KCNMA1: variants seen among roughly 807,000 people sequenced by gnomAD.
The protein encoded by KCNMA1 is Calcium-activated potassium channel subunit alpha-1.
A neutral mutation model predicts 140.0 loss-of-function variants in KCNMA1; 29 were observed. That is an observed-to-expected ratio of 0.21 (90% CI 0.15 to 0.28). The LOEUF is 0.28. KCNMA1 is among the 10% of genes least tolerant of loss of function. The pLI is 1.00. For missense variants in KCNMA1, 880 were observed against 1,602.2 expected, an observed-to-expected ratio of 0.55 and a Z score of 7.70; for synonymous variants, 612 against 611.9, an observed-to-expected ratio of 1.00 and a Z score of 0.00.
intron 19 of KCNMA1, among the ~76,000 whole-genome samples, chr10:76,976,038 C>T (rs1282393441): frequency 6.6e-6 from 1 of 152,158 alleles, no homozygotes; most frequent in Non-Finnish European, 1.5e-5. Context: ...ATTATTCTGG[C>T]AGGATAATTT....
chr10:76,886,960 T>A lies in KCNMA1; in HGVS notation c.*306A>T. 1 of 1,224,800 alleles carries A rather than the reference T, an allele frequency of 8.2e-7. No homozygotes were observed. Among genetic ancestry groups the A allele is most frequent in the Non-Finnish European group, 1.0e-6 (1 of 967,978 alleles). The allele number at this position is 1,224,800 out of a possible 1,614,324, so 75.9% of individuals were successfully genotyped here. ...CCTAACTGACGTTGATCACAAGTGC[T>A]CCCTTCTAATCTGTGAACTCGTTCC... On this transcript the variant is annotated 3_prime_UTR_variant, in exon 28 of 28. Coordinates refer to ENST00000286628, the MANE Select transcript of KCNMA1 (RefSeq NM_001161352.2).
chr10:77,426,798 A>C (rs1033667455), intron 1 of KCNMA1, among the ~76,000 whole-genome samples: 1 of 152,180 alleles, frequency 6.6e-6, no homozygotes, highest in African/African-American at 2.4e-5. Flanking sequence ...TAAAGGGCAA[A>C]GCCTGCACAC....
chr10:76,946,276 T>C (rs901036604), intron 22 of KCNMA1, among the ~76,000 whole-genome samples: 1 of 152,168 alleles, frequency 6.6e-6, no homozygotes, highest in African/African-American at 2.4e-5. Flanking sequence ...ATTTTGGGGC[T>C]CCTGTCTGGC....
chr10:76,966,915 C>T (rs909247484), intron 20 of KCNMA1, among the ~76,000 whole-genome samples: 1 of 152,150 alleles, frequency 6.6e-6, no homozygotes, highest in Non-Finnish European at 1.5e-5. Context: ...AACATACTAC[C>T]TCAGGATCCA....
chr10:77,102,167 G>A (rs2169672), intron 9 of KCNMA1, among the ~76,000 whole-genome samples: 152,216 of 152,346 alleles, frequency 1, 76,043 homozygotes, highest in Middle Eastern at 1. Context: ...GGCATGACTC[G>A]TGTTAATTCC....
chr10:77,545,174 T>A (rs993123594), intron 1 of KCNMA1, among the ~76,000 whole-genome samples: 1 of 152,218 alleles, frequency 6.6e-6, no homozygotes, highest in Non-Finnish European at 1.5e-5. Flanking sequence ...GAAAATCTCC[T>A]AAGAGGGTTT....
intron 1 of KCNMA1, among the ~76,000 whole-genome samples, chr10:77,409,058 G>A (rs2096561115): frequency 6.6e-6 from 1 of 152,146 alleles, no homozygotes; most frequent in East Asian, 1.9e-4. Context: ...GCTGTGCCCA[G>A]CCTTACACCC....
chr10:76,914,008 C>A, intron 24 of KCNMA1: 1 of 1,394,250 alleles, frequency 7.2e-7, no homozygotes. Flanking sequence ...GAAACACCAA[C>A]AACAGAACAA....
chr10:77,608,933 G>A (rs909201750), intron 1 of KCNMA1, among the ~76,000 whole-genome samples: 4 of 152,018 alleles, frequency 2.6e-5, no homozygotes, highest in African/African-American at 9.7e-5. Context: ...AAAAAAGAGA[G>A]AGAGAGAGAG....
chr10:77,592,318 T>G (rs941430836), intron 1 of KCNMA1, among the ~76,000 whole-genome samples: 1 of 152,124 alleles, frequency 6.6e-6, no homozygotes, highest in African/African-American at 2.4e-5. Flanking sequence ...ACATGGTGGG[T>G]ACATGCAATG....
rs1445652188 is a variant in KCNMA1 at position 77,146,723 on chromosome 10, A to G, written c.809-25675T>C. Among the ~76,000 whole-genome samples, 254 of 137,660 alleles carry G rather than the reference A, an allele frequency of 1.8e-3. 2 individuals are homozygous for G. Among genetic ancestry groups the G allele is most frequent in the Admixed American group, 3.3e-3 (44 of 13,316 alleles). 90.3% of individuals were successfully genotyped at this position (137,660 alleles called of 152,430 possible). On this transcript the variant is annotated intron_variant, in intron 5 of 27. Coordinates refer to ENST00000286628, the MANE Select transcript of KCNMA1 (RefSeq NM_001161352.2). The stretch of plus-strand genomic sequence containing the variant: ...TCTCAAAAAAAAAAAAAAAAAAAAA[A>G]AAAAAAAGAAAGAAAGAAGGAAAGA...
chr10:77,427,451 T>C (rs1228741654), intron 1 of KCNMA1, among the ~76,000 whole-genome samples: 1 of 152,196 alleles, frequency 6.6e-6, no homozygotes, highest in Admixed American at 6.5e-5. Context: ...CAGAGGGTGT[T>C]AGCTGAGATG....
intron 9 of KCNMA1, among the ~76,000 whole-genome samples, chr10:77,097,553 T>C (rs1273353161): frequency 1.3e-5 from 2 of 152,188 alleles, no homozygotes; most frequent in South Asian, 2.1e-4. Context: ...TTTTAGACCA[T>C]AGGCTTATTC....
intron 1 of KCNMA1, among the ~76,000 whole-genome samples, chr10:77,613,765 T>C (rs1018712985): frequency 5.3e-5 from 8 of 152,164 alleles, no homozygotes; most frequent in Non-Finnish European, 1.2e-4. Context: ...CCTCTCACGA[T>C]AGCTGGTGGC....
intron 5 of KCNMA1, among the ~76,000 whole-genome samples, chr10:77,123,014 T>TAA (rs61650688): frequency 6.7e-6 from 1 of 148,876 alleles, no homozygotes; most frequent in Non-Finnish European, 1.5e-5. Flanking sequence ...CCGTCTCTAC[T>TAA]AAAAAACACA....
chr10:77,444,139 T>C (rs1166068181), intron 1 of KCNMA1, among the ~76,000 whole-genome samples: 2 of 152,208 alleles, frequency 1.3e-5, no homozygotes, highest in African/African-American at 2.4e-5. Flanking sequence ...CTGACCTGTA[T>C]GCTAAGTCAT....
chr10:76,943,434 C>T (rs1204696977), intron 23 of KCNMA1, among the ~76,000 whole-genome samples: 1 of 152,180 alleles, frequency 6.6e-6, no homozygotes, highest in Non-Finnish European at 1.5e-5. Flanking sequence ...GGAAGGTTCT[C>T]TTAAGCTTGA....
At chr10:77,577,093 C>T (rs931014102) in intron 1 of KCNMA1, among the ~76,000 whole-genome samples, 2 of 149,208 alleles carry the variant, frequency 1.3e-5, no homozygotes, top group Non-Finnish European at 3.0e-5. Flanking sequence ...CGAGCCTACA[C>T]ACTCTCTTTT....
At chr10:77,490,763 A>T (rs2098522728) in intron 1 of KCNMA1, among the ~76,000 whole-genome samples, 1 of 152,182 alleles carries the variant, frequency 6.6e-6, no homozygotes, top group Non-Finnish European at 1.5e-5. Flanking sequence ...AGGGAAATTC[A>T]TTCCTCCCTG....
Sources: gnomAD v4.1 joint callset for allele counts (sites outside exome capture counted in the v4.1 genomes callset) on GRCh38, gnomAD v4.1.1 for gene constraint, MANE v1.5 for transcripts, NCBI Gene and HGNC (gene_info 2026-07-23, HGNC 2026-07-21) for gene names.